The following MLIP variants were observed in gnomAD, a reference collection of about 807,000 sequenced individuals.
MLIP encodes muscular LMNA interacting protein.
In MLIP, 79 loss-of-function variants were observed where a neutral mutation model predicts 84.8. The observed-to-expected ratio is 0.93, with a 90% CI of 0.78 to 1.12. The LOEUF is 1.12. MLIP is among the 50% of genes most tolerant of loss of function. MLIP has a pLI of 0.00. For missense variants in MLIP, 1,257 were observed against 1,160.6 expected (o/e 1.08, Z -1.21); for synonymous variants, 504 against 463.0 (o/e 1.09, Z -1.14).
chr6:54,153,492 C>T (rs1292146811), intron 5 of MLIP, among the ~76,000 whole-genome samples: 1 of 152,002 alleles, frequency 6.6e-6, no homozygotes, highest in East Asian at 1.9e-4. Context: ...TTTTTTAAAG[C>T]ATGAGTTGCT....
intron 12 of MLIP, among the ~76,000 whole-genome samples, chr6:54,241,082 A>C (rs1018359155): frequency 2.0e-5 from 3 of 152,130 alleles, no homozygotes; most frequent in Non-Finnish European, 4.4e-5. Context: ...TTTACCTCAT[A>C]GAAAACACTA....
chr6:54,160,031 C>T (rs922189945), intron 5 of MLIP, among the ~76,000 whole-genome samples: 4 of 152,042 alleles, frequency 2.6e-5, no homozygotes, highest in Non-Finnish European at 5.9e-5. Context: ...CACACATCTG[C>T]AACCATCTGA....
chr6:54,220,918 G>GAT lies in MLIP; in HGVS notation c.2719-9792_2719-9791dup, dbSNP rs201159779. On this transcript the variant is annotated intron_variant, in intron 11 of 13. Coordinates refer to ENST00000502396, the MANE Select transcript of MLIP (RefSeq NM_001281747.2). The stretch of plus-strand genomic sequence containing the variant: ...ATAGGTAACCTATAACGACAAAGGA[G>GAT]ATATACACACACACACACACACGTA... Among the ~76,000 whole-genome samples the GAT allele has an allele frequency of 2.3e-3, 346 of 148,754 alleles. 2 individuals carry two copies. The highest frequency in any genetic ancestry group is 8.2e-3 in the African/African-American group (327 of 39,670).
chr6:54,120,101 C>T (rs1280949), intron 1 of MLIP, among the ~76,000 whole-genome samples: 84,021 of 152,100 alleles, frequency 0.55, 24,787 homozygotes, highest in South Asian at 0.7. Flanking sequence ...TTACTCTCAA[C>T]CTCTCTTTGT....
At chr6:54,237,678 TAAAAA>T in intron 12 of MLIP, among the ~76,000 whole-genome samples, 2 of 116,430 alleles carry the variant, frequency 1.7e-5, no homozygotes, top group African/African-American at 6.2e-5. Flanking sequence ...AGACTGTCTC[TAAAAA>T]AAAAAAAAAA....
chr6:54,038,197 G>A (rs1764551688), intron 1 of MLIP, among the ~76,000 whole-genome samples: 1 of 151,754 alleles, frequency 6.6e-6, no homozygotes, highest in Non-Finnish European at 1.5e-5. Flanking sequence ...TATGACTTTG[G>A]CATAAATTAA....
rs186060858 is a variant in MLIP, at chr6:54,118,300, T to C, written c.97-3147T>C. On this transcript the variant is annotated intron_variant, in intron 1 of 13. Coordinates refer to ENST00000502396, the MANE Select transcript of MLIP (RefSeq NM_001281747.2). ...CAAAGCTATAGTAACCAAAATAGCA[T>C]GATGCTGGCGTAAAAACCAACACAT... 5.1e-3 allele frequency among the ~76,000 whole-genome samples: 779 copies of C among 152,320 alleles called. 21 individuals are homozygous for C. The highest frequency in any genetic ancestry group is 9.7e-4 in the Non-Finnish European group (66 of 68,036).
chr6:54,080,639 C>T (rs1214071459), intron 1 of MLIP, among the ~76,000 whole-genome samples: 6 of 150,132 alleles, frequency 4.0e-5, no homozygotes, highest in Non-Finnish European at 8.9e-5. Context: ...TCTGAGAAAA[C>T]ATATTTTTAT....
At chr6:54,114,729 A>G (rs1485519100) in intron 1 of MLIP, among the ~76,000 whole-genome samples, 1 of 152,186 alleles carries the variant, frequency 6.6e-6, no homozygotes, top group Non-Finnish European at 1.5e-5. Flanking sequence ...CCATGAGGGT[A>G]GGGATTTTTG....
intron 13 of MLIP, among the ~76,000 whole-genome samples, chr6:54,263,337 T>G (rs1783502570): frequency 6.6e-6 from 1 of 152,074 alleles, no homozygotes; most frequent in Admixed American, 6.6e-5. Context: ...GAACGTTTTA[T>G]AGCTTCTGGC....
intron 8 of MLIP, among the ~76,000 whole-genome samples, chr6:54,164,098 A>G (rs1338531930): frequency 6.6e-6 from 1 of 151,906 alleles, no homozygotes; most frequent in African/African-American, 2.4e-5. Context: ...GTATGATCTT[A>G]CAGATATTTT....
chr6:54,114,522 G>A (rs1206406877), intron 1 of MLIP, among the ~76,000 whole-genome samples: 1 of 151,922 alleles, frequency 6.6e-6, no homozygotes, highest in Non-Finnish European at 1.5e-5. Context: ...TTTAAGTTTT[G>A]TCTTTAAAAT....
intron 11 of MLIP, among the ~76,000 whole-genome samples, chr6:54,223,241 T>C (rs1177639737): frequency 6.6e-6 from 1 of 151,948 alleles, no homozygotes; most frequent in Non-Finnish European, 1.5e-5. Flanking sequence ...TTTAAGTTTG[T>C]TGCAATCCCA....
intron 12 of MLIP, among the ~76,000 whole-genome samples, chr6:54,232,861 G>A (rs1781099400): frequency 6.6e-6 from 1 of 152,082 alleles, no homozygotes; most frequent in African/African-American, 2.4e-5. Context: ...GAACCATGCT[G>A]AACTTGTCTT....
rs532034500 is a variant in MLIP, at chr6:54,065,494, CA to C, written c.63+46407del. ...ATTTCTTTCCAAGGAAAAGCAATTACAAAAGTCTTAAACAACAGCAGAAGGG... is the reference window on the plus strand; with the variant it reads ...ATTTCTTTCCAAGGAAAAGCAATTACAAAGTCTTAAACAACAGCAGAAGGG... On this transcript the variant is annotated intron_variant, in intron 1 of 12. Coordinates refer to the MLIP transcript ENST00000274897. 1.2e-3 allele frequency among the ~76,000 whole-genome samples: 116 copies of C among 100,416 alleles called. 12 individuals carry two copies. Among genetic ancestry groups the C allele is most frequent in the African/African-American group, 2.8e-3 (111 of 39,252 alleles). 65.9% of individuals were successfully genotyped at this position (100,416 alleles called of 152,430 possible).
intron 1 of MLIP, among the ~76,000 whole-genome samples, chr6:54,093,478 C>T (rs1261765529): frequency 6.6e-6 from 1 of 152,000 alleles, no homozygotes; most frequent in Non-Finnish European, 1.5e-5. Flanking sequence ...CGGATCTAGG[C>T]TAGCAGCTGT....
chr6:54,108,866 TAGA>T (rs1211311638), upstream of MLIP, among the ~76,000 whole-genome samples: 1 of 151,982 alleles, frequency 6.6e-6, no homozygotes, highest in African/African-American at 2.4e-5. Flanking sequence ...GAATGAGACA[TAGA>T]AGAAGAGTTT....
Position 54,124,736 on chromosome 6 carries a change from C to A in MLIP, c.516C>A (p.Pro172=). 1 of 1,614,188 alleles carries A rather than the reference C, an allele frequency of 6.2e-7. No homozygotes were observed. The highest frequency in any genetic ancestry group is 8.5e-7 in the Non-Finnish European group (1 of 1,180,018). ...GGATTGGCACCGCAGCTGTCCGGCC[C>A]AAGTCTCTAGCTATCTCGTCCAGTC... is the stretch of plus-strand genomic sequence containing the variant. ...PGGIGTAAVR[P]KSLAISSSLV... Residue 172 remains proline, a synonymous_variant, in exon 3 of 14, where the codon CCC becomes CCA. Transcript: ENST00000502396.
intron 1 of MLIP, among the ~76,000 whole-genome samples, chr6:54,042,217 G>T (rs1226814796): frequency 6.6e-6 from 1 of 152,040 alleles, no homozygotes; most frequent in Non-Finnish European, 1.5e-5. Context: ...AAACTGAAAA[G>T]ACTCTCCCTA....
Sources: allele counts gnomAD v4.1 joint callset (sites outside exome capture counted in the v4.1 genomes callset), GRCh38; gene constraint gnomAD v4.1.1; transcripts MANE v1.5; gene names NCBI Gene and HGNC (gene_info 2026-07-23, HGNC 2026-07-21).